Variants in PPP6R2 observed in about 807,000 individuals in gnomAD.
PPP6R2 encodes the protein serine/threonine-protein phosphatase 6 regulatory subunit 2.
In PPP6R2, 62 loss-of-function variants were observed where a neutral mutation model predicts 100.2. That is an observed-to-expected ratio of 0.62 (90% CI 0.50 to 0.76). PPP6R2 has a LOEUF of 0.76. Ranked by LOEUF, PPP6R2 falls within the 30% of genes least tolerant of loss-of-function variation. PPP6R2 has a pLI of 0.00. For missense variants in PPP6R2, 1,142 were observed against 1,276.3 expected, an observed-to-expected ratio of 0.89 and a Z score of 1.60; for synonymous variants, 525 against 514.7, an observed-to-expected ratio of 1.02 and a Z score of -0.27.
At chr22:50,333,382 G>T in the PPP6R2 span, among the ~76,000 whole-genome samples, 8 of 151,034 alleles carry the variant, frequency 5.3e-5, no homozygotes, top group South Asian at 1.3e-3. Context: ...TGTCGCCCAG[G>T]CTAGAGTGCA....
chr22:50,397,211 T>C (rs1214868211), intron 3 of PPP6R2, among the ~76,000 whole-genome samples: 1 of 152,118 alleles, frequency 6.6e-6, no homozygotes, highest in African/African-American at 2.4e-5. Context: ...CAGGTCAGGA[T>C]ATCCATTTAA....
intron 4 of PPP6R2, among the ~76,000 whole-genome samples, chr22:50,414,331 G>GCCCC (rs57634612): frequency 7.5e-5 from 2 of 26,798 alleles, no homozygotes; most frequent in African/African-American, 1.7e-4. Context: ...CTGTGCAGTG[G>GCCCC]CCCCCCCCCC....
intron 1 of PPP6R2, among the ~76,000 whole-genome samples, chr22:50,348,134 A>G (rs1041187926): frequency 6.7e-6 from 1 of 149,698 alleles, no homozygotes; most frequent in African/African-American, 2.4e-5. Context: ...ATGGTAAGGG[A>G]GAGAGAGGCA....
intron 10 of PPP6R2, among the ~76,000 whole-genome samples, chr22:50,427,929 C>T (rs1569478214): frequency 6.6e-6 from 1 of 152,224 alleles, no homozygotes; most frequent in Non-Finnish European, 1.5e-5. Flanking sequence ...ACCATATTAG[C>T]CAGGACGGTC....
intron 2 of PPP6R2, among the ~76,000 whole-genome samples, chr22:50,375,061 A>T (rs1214858415): frequency 6.6e-6 from 1 of 152,174 alleles, no homozygotes; most frequent in Non-Finnish European, 1.5e-5. Context: ...TTGACAACAG[A>T]TGTCTCAGCA....
At chr22:50,394,466 T>G (rs377465515) in intron 3 of PPP6R2, among the ~76,000 whole-genome samples, 6 of 151,552 alleles carry the variant, frequency 4.0e-5, no homozygotes, top group East Asian at 1.9e-4. Flanking sequence ...AGATGTGGTG[T>G]TGTAGACCTC....
intron 10 of PPP6R2, among the ~76,000 whole-genome samples, chr22:50,427,481 T>C (rs1209023992): frequency 6.6e-6 from 1 of 152,222 alleles, no homozygotes; most frequent in East Asian, 1.9e-4. Flanking sequence ...ATAGATCACT[T>C]TGGGTAATAC....
chr22:50,353,971 T>C (rs1401828589), intron 1 of PPP6R2, among the ~76,000 whole-genome samples: 2 of 152,148 alleles, frequency 1.3e-5, no homozygotes, highest in Non-Finnish European at 2.9e-5. Flanking sequence ...CAGGCATTTG[T>C]GTGTTCTTGT....
chr22:50,351,046 T>G (rs1395836166), intron 1 of PPP6R2, among the ~76,000 whole-genome samples: 31 of 129,274 alleles, frequency 2.4e-4, no homozygotes, highest in Non-Finnish European at 3.5e-4. Context: ...TTTTTTTTTT[T>G]TTTTTTTTTT....
chr22:50,332,209 C>G, the PPP6R2 span, among the ~76,000 whole-genome samples: 1 of 151,176 alleles, frequency 6.6e-6, no homozygotes, highest in Non-Finnish European at 1.5e-5. Flanking sequence ...TCAAATAATA[C>G]TTTTTATGTT....
At chr22:50,427,696 G>A (rs924906829) in intron 10 of PPP6R2, among the ~76,000 whole-genome samples, 1 of 151,138 alleles carries the variant, frequency 6.6e-6, no homozygotes, top group African/African-American at 2.4e-5. Flanking sequence ...GGGATTACAG[G>A]TGCCCGCCAC....
At chr22:50,426,059 C>T (rs2062077920) in intron 10 of PPP6R2, among the ~76,000 whole-genome samples, 1 of 151,988 alleles carries the variant, frequency 6.6e-6, no homozygotes, top group Admixed American at 6.6e-5. Flanking sequence ...CTCAAGTGAT[C>T]CTCCCACCTC....
upstream of PPP6R2, among the ~76,000 whole-genome samples, chr22:50,339,386 AGTGTGTGTGTGGTATGTG>A (rs1189176683): frequency 2.2e-5 from 1 of 44,534 alleles, no homozygotes; most frequent in Non-Finnish European, 4.4e-5. Context: ...TGTGGTATGT[AGTGTGTGTGTGGTATGTG>A]GTGTGTGTGT....
At chr22:50,403,446 A>T (rs761452306) in intron 3 of PPP6R2, among the ~76,000 whole-genome samples, 14 of 152,128 alleles carry the variant, frequency 9.2e-5, no homozygotes, top group Non-Finnish European at 1.5e-4. Context: ...TCCTGCCCTG[A>T]GGGACCATGT....
chr22:50,392,403 G>C (rs1361978035), intron 2 of PPP6R2, among the ~76,000 whole-genome samples: 3 of 151,872 alleles, frequency 2.0e-5, no homozygotes, highest in African/African-American at 4.8e-5. Context: ...TGTATATATG[G>C]AGTCCCTTGT....
intron 4 of PPP6R2, among the ~76,000 whole-genome samples, chr22:50,413,426 G>A (rs1428175302): frequency 6.6e-6 from 1 of 152,120 alleles, no homozygotes; most frequent in African/African-American, 2.4e-5. Context: ...CTCAGAAGGT[G>A]GAGGCTGCAG....
At chr22:50,367,607 G>A (rs944529123) in intron 1 of PPP6R2, among the ~76,000 whole-genome samples, 1 of 151,818 alleles carries the variant, frequency 6.6e-6, no homozygotes, top group Non-Finnish European at 1.5e-5. Context: ...GGGAGGGAAG[G>A]ACCTTTGCTT....
Position 50,444,245 on chromosome 22 carries a change from T to G in PPP6R2, c.2878T>G (p.Ter960GlyextTer23). 1 of 1,612,654 alleles carries G rather than the reference T, an allele frequency of 6.2e-7. No homozygotes were observed. Among genetic ancestry groups the G allele is most frequent in the Non-Finnish European group, 8.5e-7 (1 of 1,179,788 alleles). Reference protein sequence around the residue: ...PEGAALNGPV* With the variant: ...PEGAALNGPVG ...AGGAGCTGCCTTAAATGGCCCAGTG[T>G]GATGCTGCTGCCGCCCGGCCACGGC... is the stretch of plus-strand genomic sequence containing the variant. Residue 960 changes from the stop codon to glycine (G), a stop_lost, in exon 24 of 24, where the codon TGA (stop) becomes GGA (glycine). Transcript: ENST00000612753.
At chr22:50,414,854 G>C (rs1183893079) in intron 5 of PPP6R2, among the ~76,000 whole-genome samples, 165 bp downstream of exon 5, 1 of 152,240 alleles carries the variant, frequency 6.6e-6, no homozygotes, top group African/African-American at 2.4e-5. Context: ...ATTGTGGCCT[G>C]TACCTTTTCC....
Sources: gnomAD v4.1 joint callset for allele counts (sites outside exome capture counted in the v4.1 genomes callset) on GRCh38, gnomAD v4.1.1 for gene constraint, MANE v1.5 for transcripts, NCBI Gene and HGNC (gene_info 2026-07-23, HGNC 2026-07-21) for gene names.